ANKS1B: variants seen among roughly 807,000 people sequenced by gnomAD.
ANKS1B encodes ankyrin repeat and sterile alpha motif domain-containing protein 1B.
A neutral mutation model predicts 148.3 loss-of-function variants in ANKS1B; 36 were observed. The ratio of observed to expected loss-of-function variants is 0.24; its 90% CI spans 0.19 to 0.32. The LOEUF (loss-of-function observed/expected upper bound fraction) is 0.32. Among genes scored for constraint, ANKS1B ranks in the 10% least tolerant of loss-of-function variants. ANKS1B has a pLI of 1.00. For missense variants in ANKS1B, 1,157 were observed against 1,542.6 expected (o/e 0.75, Z 4.19); for synonymous variants, 542 against 560.8 (o/e 0.97, Z 0.47).
intron 10 of ANKS1B, among the ~76,000 whole-genome samples, chr12:99,473,463 C>T (rs761606737): frequency 1.1e-4 from 16 of 151,954 alleles, no homozygotes; most frequent in Non-Finnish European, 2.1e-4. Flanking sequence ...CCTAGTAGTA[C>T]AATTAATTGA....
chr12:99,111,504 C>CT (rs1273477646), intron 15 of ANKS1B, among the ~76,000 whole-genome samples: 1 of 151,720 alleles, frequency 6.6e-6, no homozygotes, highest in African/African-American at 2.4e-5. Context: ...AGAGAGAAGA[C>CT]TATTATATAA....
chr12:99,461,965 T>C (rs1182718736), intron 10 of ANKS1B, among the ~76,000 whole-genome samples: 1 of 152,198 alleles, frequency 6.6e-6, no homozygotes, highest in African/African-American at 2.4e-5. Context: ...CTTTTATCCA[T>C]CTAGTTTCAT....
intron 15 of ANKS1B, among the ~76,000 whole-genome samples, chr12:99,119,318 C>A (rs909133589): frequency 6.6e-6 from 1 of 152,088 alleles, no homozygotes; most frequent in East Asian, 1.9e-4. Flanking sequence ...GAACATATTA[C>A]CCTCTAGAGC....
intron 15 of ANKS1B, among the ~76,000 whole-genome samples, chr12:99,137,366 G>A (rs2068493920): frequency 6.6e-6 from 1 of 152,170 alleles, no homozygotes; most frequent in African/African-American, 2.4e-5. Flanking sequence ...CGATTACCCA[G>A]TCAGTCAACG....
chr12:98,964,441 G>T (rs572596996), intron 17 of ANKS1B, among the ~76,000 whole-genome samples: 2 of 152,146 alleles, frequency 1.3e-5, no homozygotes, highest in Non-Finnish European at 2.9e-5. Context: ...TAATCCCACT[G>T]CTAGGTATAT....
chr12:99,592,278 T>A (rs2097710473), intron 9 of ANKS1B, among the ~76,000 whole-genome samples: 1 of 152,138 alleles, frequency 6.6e-6, no homozygotes, highest in African/African-American at 2.4e-5. Flanking sequence ...AACATGTTAA[T>A]ATGAAATGCA....
At chr12:99,266,557 G>A (rs560215127) in intron 12 of ANKS1B, among the ~76,000 whole-genome samples, 11 of 152,162 alleles carry the variant, frequency 7.2e-5, no homozygotes, top group Non-Finnish European at 1.6e-4. Flanking sequence ...CGGCTATGCT[G>A]TATTGGTTTC....
intron 3 of ANKS1B, among the ~76,000 whole-genome samples, chr12:99,810,665 T>G (rs1424861214): frequency 6.6e-6 from 1 of 152,032 alleles, no homozygotes; most frequent in Admixed American, 6.6e-5. Context: ...GTAATTTAAT[T>G]GATCTATTCA....
intron 7 of ANKS1B, among the ~76,000 whole-genome samples, chr12:99,774,879 C>G (rs10860518): frequency 0.45 from 68,735 of 151,818 alleles, 15,990 homozygotes; most frequent in South Asian, 0.62. Flanking sequence ...AGGATATTAT[C>G]CTAAGTGAGA....
At chr12:98,934,263 T>C (rs1401936799) in intron 17 of ANKS1B, among the ~76,000 whole-genome samples, 1 of 152,116 alleles carries the variant, frequency 6.6e-6, no homozygotes, top group African/African-American at 2.4e-5. Flanking sequence ...TCCTTTCCCA[T>C]TGTGTATTCT....
intron 8 of ANKS1B, among the ~76,000 whole-genome samples, chr12:99,701,175 G>T (rs1055084550): frequency 6.6e-6 from 1 of 152,268 alleles, no homozygotes; most frequent in African/African-American, 2.4e-5. Flanking sequence ...TCTCTTGGTT[G>T]TGCCACCACT....
intron 8 of ANKS1B, among the ~76,000 whole-genome samples, chr12:99,769,249 G>A (rs1740493970): frequency 6.6e-6 from 1 of 151,972 alleles, no homozygotes; most frequent in African/African-American, 2.4e-5. Flanking sequence ...GCTGATTTTT[G>A]GCTCCCTAGA....
rs1162542982 is a variant in ANKS1B, at chr12:99,664,172, G to C, written c.1129-8962C>G. 1.3e-5 allele frequency among the ~76,000 whole-genome samples: 2 copies of C among 150,164 alleles called. 1 individual carries two copies. The highest frequency in any genetic ancestry group is 4.9e-5 in the African/African-American group (2 of 40,656). On this transcript the variant is annotated intron_variant, in intron 8 of 26. Transcript: ENST00000683438. ...GTTTAAACTTTTTTTTTTTCAACAA[G>C]ACAGTACAGAAGGCAAAATGTATAA... is the stretch of plus-strand genomic sequence containing the variant.
At chr12:98,953,700 A>T (rs1451155336) in intron 17 of ANKS1B, among the ~76,000 whole-genome samples, 2 of 151,834 alleles carry the variant, frequency 1.3e-5, no homozygotes, top group Non-Finnish European at 2.9e-5. Flanking sequence ...TTGTTACAGG[A>T]TGAAATCCAT....
intron 12 of ANKS1B, among the ~76,000 whole-genome samples, chr12:99,301,773 A>G (rs1296880678): frequency 6.6e-6 from 1 of 152,186 alleles, no homozygotes. Flanking sequence ...ATTTATAAAC[A>G]TAATTACAGC....
At chr12:99,333,819 A>T (rs891429716) in intron 12 of ANKS1B, among the ~76,000 whole-genome samples, 5 of 145,846 alleles carry the variant, frequency 3.4e-5, no homozygotes, top group Non-Finnish European at 7.5e-5. Flanking sequence ...ACTAGGTGGT[A>T]GGTAGGGAGA....
chr12:99,557,973 C>T (rs191081235), intron 9 of ANKS1B, among the ~76,000 whole-genome samples: 5 of 152,146 alleles, frequency 3.3e-5, no homozygotes, highest in South Asian at 4.1e-4. Flanking sequence ...CTCTTATGGG[C>T]GTTTACCATG....
rs147656659 is a variant in ANKS1B, at chr12:99,139,438, CT to C, written c.2526+14850del. Among the ~76,000 whole-genome samples, 8 of 3,488 alleles carry C rather than the reference CT, an allele frequency of 2.3e-3. 3 individuals carry two copies. The highest frequency in any genetic ancestry group is 2.9e-3 in the Non-Finnish European group (8 of 2,756). The allele number at this position is 3,488 out of a possible 152,430, so 2.3% of individuals were successfully genotyped here. On this transcript the variant is annotated intron_variant, in intron 15 of 26. Transcript: ENST00000683438. The stretch of plus-strand genomic sequence containing the variant: ...TCTTTCTTTCTTTCTTTCTTTCTTT[CT>C]TTTTCTTTCTTTCTTTCTTTCAAGA...
At chr12:99,656,345 G>T (rs1388250705) in intron 8 of ANKS1B, among the ~76,000 whole-genome samples, 2 of 152,050 alleles carry the variant, frequency 1.3e-5, no homozygotes, top group South Asian at 2.1e-4. Flanking sequence ...TGGGATCTAT[G>T]TATCAATCTC....
Sources: gnomAD v4.1 joint callset for allele counts (sites outside exome capture counted in the v4.1 genomes callset) on GRCh38, gnomAD v4.1.1 for gene constraint, MANE v1.5 for transcripts, NCBI Gene and HGNC (gene_info 2026-07-23, HGNC 2026-07-21) for gene names.